Variants in AHNAK observed in about 807,000 individuals in gnomAD.
AHNAK encodes neuroblast differentiation-associated protein AHNAK.
Under a neutral mutation model 37.8 loss-of-function variants are expected in AHNAK, and 23 were observed. The observed-to-expected ratio is 0.61, with a 90% CI of 0.44 to 0.86. AHNAK has a LOEUF of 0.86. AHNAK is among the 40% of genes least tolerant of loss of function. The pLI, the probability that AHNAK is intolerant of heterozygous loss-of-function variation, is 0.00. For missense variants in AHNAK, 7,411 were observed against 7,319.4 expected (o/e 1.01, Z -0.46); for synonymous variants, 2,481 against 2,636.3 (o/e 0.94, Z 1.80).
At chr11:62,495,327 G>A (rs1234356792) in intron 4 of AHNAK, among the ~76,000 whole-genome samples, 1 of 152,208 alleles carries the variant, frequency 6.6e-6, no homozygotes, top group Non-Finnish European at 1.5e-5. Context: ...AAAGTTGCCA[G>A]TATATTCAAG....
intron 5 of AHNAK, among the ~76,000 whole-genome samples, chr11:62,470,022 T>C (rs1938998659): frequency 1.3e-5 from 2 of 152,192 alleles, no homozygotes; most frequent in Middle Eastern, 3.4e-3. Context: ...ACCACAAAAG[T>C]TGGCCACGTG....
Position 62,517,795 on chromosome 11 carries a change from A to G in AHNAK, c.16622T>C (p.Ile5541Thr), listed in dbSNP as rs368696529. The change falls in exon 5 of 5, where the codon ATC becomes ACC. Residue 5541 changes from isoleucine to threonine, a missense_variant. Ile to Thr is a moderately conservative substitution (Grantham distance 89, BLOSUM62 -1). Transcript: ENST00000378024. ...EVGFHGAAPD[I>T]SVKGPAFNMA... ...ATTAAAGGCAGGCCCCTTCACACTG[A>G]TATCAGGAGCAGCCCCATGGAAACC... The G allele has an allele frequency of 5.6e-6, 9 of 1,614,048 alleles. No homozygotes were observed. The East Asian group carries it at 6.7e-5, about 12-fold the overall frequency.
Position 62,526,942 on chromosome 11 carries a change from G to A in AHNAK, c.7475C>T (p.Pro2492Leu). ...LEVPDMNIRG[P>L]KVDVNAPDVQ... ...ATCGGGGGCATTTACATCAACTTTG[G>A]GGCCCCTGATGTTCATATCTGGTAC... Residue 2492 changes from proline (P) to leucine (L), a missense_variant, in exon 5 of 5, where the codon CCC (proline) becomes CTC (leucine). Pro to Leu is a moderately conservative substitution (Grantham distance 98, BLOSUM62 -3). Coordinates refer to ENST00000378024, the MANE Select transcript of AHNAK (RefSeq NM_001620.3). 1 of 1,614,126 alleles carries A rather than the reference G, an allele frequency of 6.2e-7. No individual in the cohort carries two copies. Among genetic ancestry groups the A allele is most frequent in the African/African-American group, 1.3e-5 (1 of 75,034 alleles).
intron 5 of AHNAK, among the ~76,000 whole-genome samples, chr11:62,434,153 C>G (rs1301408306): frequency 6.6e-6 from 1 of 152,168 alleles, no homozygotes; most frequent in Non-Finnish European, 1.5e-5. Context: ...AAGCCCGAGT[C>G]TGTCCTTTTG....
Position 62,518,414 on chromosome 11 carries a change from C to A in AHNAK, c.16003G>T (p.Gly5335Cys). The change falls in exon 5 of 5, where the codon GGT (glycine) becomes TGT (cysteine). Residue 5335 changes from glycine to cysteine, a missense_variant. Gly to Cys is a radical substitution (Grantham distance 159, BLOSUM62 -3). Transcript: ENST00000378024. Reference sequence around the variant, plus strand: ...TCTCCTCCCACCTGCATTTTGCCACCGACACCACTGAGGTTGAGCCCTGGA... The same window carrying A: ...TCTCCTCCCACCTGCATTTTGCCACAGACACCACTGAGGTTGAGCCCTGGA... ...HAPGLNLSGV[G>C]GKMQVGGDGV... 6.2e-7 allele frequency: 1 copy of A among 1,614,086 alleles called. No individual in the cohort carries two copies. Among genetic ancestry groups the A allele is most frequent in the Non-Finnish European group, 8.5e-7 (1 of 1,180,008 alleles).
chr11:62,466,866 T>C (rs1938922348), intron 5 of AHNAK, among the ~76,000 whole-genome samples: 1 of 152,218 alleles, frequency 6.6e-6, no homozygotes, highest in African/African-American at 2.4e-5. Flanking sequence ...ATTAACAACA[T>C]AACTAAGATA....
chr11:62,503,359 C>CG lies in AHNAK; in HGVS notation c.343-11529dup, dbSNP rs1309518863. On this transcript the variant is annotated intron_variant, in intron 4 of 5. Coordinates refer to the AHNAK transcript ENST00000257247. Reference sequence around the variant, plus strand: ...ATCCCAGCACTTTGGGAGGCCAAGGCGGGGGGATCCTGGGTAAGGAGTTCG... The same window carrying CG: ...ATCCCAGCACTTTGGGAGGCCAAGGCGGGGGGGATCCTGGGTAAGGAGTTCG... Among the ~76,000 whole-genome samples, 5 of 152,260 alleles carry CG rather than the reference C, an allele frequency of 3.3e-5. No individual in the cohort carries two copies. In the East Asian group the frequency reaches 7.7e-4, roughly 24 times the overall value.
intron 5 of AHNAK, among the ~76,000 whole-genome samples, chr11:62,475,595 T>C (rs1332376764): frequency 9.0e-6 from 1 of 111,526 alleles, no homozygotes; most frequent in African/African-American, 3.0e-5. Flanking sequence ...AATGTGGTTA[T>C]GTTATACTTT....
At chr11:62,435,835 A>G (rs189571138) in intron 5 of AHNAK, among the ~76,000 whole-genome samples, 1 of 152,098 alleles carries the variant, frequency 6.6e-6, no homozygotes, top group African/African-American at 2.4e-5. Flanking sequence ...GGCTGGCCGC[A>G]CCCAGCCAGT....
Position 62,520,507 on chromosome 11 carries a change from T to C in AHNAK, c.13910A>G (p.Asp4637Gly), listed in dbSNP as rs746554034. The C allele has an allele frequency of 1.7e-5, 27 of 1,614,050 alleles. No homozygotes were observed. The highest frequency in any genetic ancestry group is 2.1e-5 in the Non-Finnish European group (25 of 1,180,042). ...GCCTTGAACGTCCACATCTGGGACATCAATGTCCACTTTGGGGTCCCTGAT... is the reference window on the plus strand; with the variant it reads ...GCCTTGAACGTCCACATCTGGGACACCAATGTCCACTTTGGGGTCCCTGAT... ...VDIRDPKVDI[D>G]VPDVDVQGPD... The change falls in exon 5 of 5, where the codon GAT becomes GGT. Residue 4637 changes from aspartate (D) to glycine (G), a missense_variant. Asp to Gly is a moderately conservative substitution (Grantham distance 94, BLOSUM62 -1). Coordinates refer to ENST00000378024, the MANE Select transcript of AHNAK (RefSeq NM_001620.3).
Position 62,526,908 on chromosome 11 carries a change from A to T in AHNAK, c.7509T>A (p.Ala2503=), listed in dbSNP as rs1940513138. Residue 2503 remains alanine, a synonymous_variant, in exon 5 of 5, where the codon GCT becomes GCA. Coordinates refer to ENST00000378024, the MANE Select transcript of AHNAK (RefSeq NM_001620.3). ...KVDVNAPDVQ[A]PDWHLKMPKM... Reference sequence around the variant, plus strand: ...TGGGCATCTTCAGGTGCCAGTCTGGAGCTTGGACATCGGGGGCATTTACAT... The same window carrying T: ...TGGGCATCTTCAGGTGCCAGTCTGGTGCTTGGACATCGGGGGCATTTACAT... The T allele has an allele frequency of 6.2e-7, 1 of 1,613,824 alleles. No individual in the cohort carries two copies. The highest frequency in any genetic ancestry group is 1.7e-5 in the Admixed American group (1 of 59,992).
intron 5 of AHNAK, among the ~76,000 whole-genome samples, chr11:62,473,435 C>T (rs1344098695): frequency 6.3e-5 from 9 of 142,694 alleles, no homozygotes; most frequent in South Asian, 2.3e-4. Flanking sequence ...GTGGCTCACG[C>T]CTGTAATCCC....
chr11:62,442,565 A>G (rs1938330039), intron 5 of AHNAK, among the ~76,000 whole-genome samples: 1 of 151,704 alleles, frequency 6.6e-6, no homozygotes, highest in Non-Finnish European at 1.5e-5. Context: ...AATAATCAAT[A>G]AATCTATTTA....
chr11:62,467,420 C>T (rs1419074206), intron 5 of AHNAK, among the ~76,000 whole-genome samples: 1 of 152,198 alleles, frequency 6.6e-6, no homozygotes, highest in Non-Finnish European at 1.5e-5. Context: ...CGCAGTGGCT[C>T]ACGCCTGTAA....
In AHNAK at chr11:62,532,190, G is replaced by C. The variant is rs774567105; in HGVS notation, c.2227C>G (p.Pro743Ala). The C allele has an allele frequency of 6.2e-7, 1 of 1,614,108 alleles. No individual in the cohort carries two copies. Among genetic ancestry groups the C allele is most frequent in the Admixed American group, 1.7e-5 (1 of 60,006 alleles). ...IDAPDVDVHGPDWHLKMPKMK... is the reference protein window; with the variant it reads ...IDAPDVDVHGADWHLKMPKMK... Reference sequence around the variant, plus strand: ...TTGGGCATCTTCAAGTGCCAGTCTGGGCCATGAACATCCACATCTGGGGCA... The same window carrying C: ...TTGGGCATCTTCAAGTGCCAGTCTGCGCCATGAACATCCACATCTGGGGCA... The change falls in exon 5 of 5, where the codon CCA becomes GCA. Residue 743 changes from proline (P) to alanine (A), a missense_variant. Transcript: ENST00000378024.
chr11:62,517,832 C>T lies in AHNAK; in HGVS notation c.16585G>A (p.Gly5529Ser), dbSNP rs771528590. The T allele has an allele frequency of 1.2e-6, 2 of 1,614,210 alleles. No individual in the cohort carries two copies. The highest frequency in any genetic ancestry group is 8.5e-7 in the Non-Finnish European group (1 of 1,180,022). ...GCCCCATGGAAACCTACTTCTGAAC[C>T]TTTCAGACCACCTTTGATTTCAGGC... ...SGPEIKGGLK[G>S]SEVGFHGAAP... Residue 5529 changes from glycine to serine, a missense_variant, in exon 5 of 5, where the codon GGT becomes AGT. By Grantham distance (56) the Gly-to-Ser change is moderately conservative. Coordinates refer to ENST00000378024, the MANE Select transcript of AHNAK (RefSeq NM_001620.3).
Position 62,516,974 on chromosome 11 carries a change from C to T in AHNAK, c.17443G>A (p.Gly5815Arg), listed in dbSNP as rs896599764. The change falls in exon 5 of 5, where the codon GGG becomes AGG. Residue 5815 changes from glycine (G) to arginine (R), a missense_variant. Transcript: ENST00000378024. ...CCGAATTTCAGCTTCCCGTGTTTCC[C>T]TTTAACTTTCCCACCTTCCAGAGAC... ...EVSLEGGKVK[G>R]KHGKLKFGTF... 2.5e-6 allele frequency: 4 copies of T among 1,614,092 alleles called. No homozygotes were observed. The African/African-American group carries it at 5.3e-5, about 22-fold the overall frequency.
In AHNAK at chr11:62,517,854, AG is replaced by A. The variant is rs1410006718; in HGVS notation, c.16562del (p.Pro5521LeufsTer7). 1.9e-6 allele frequency: 3 copies of A among 1,614,070 alleles called. No individual in the cohort carries two copies. Among genetic ancestry groups the A allele is most frequent in the Non-Finnish European group, 1.7e-6 (2 of 1,180,016 alleles). On this transcript the variant is annotated frameshift_variant, in exon 5 of 5. Coordinates refer to ENST00000378024, the MANE Select transcript of AHNAK (RefSeq NM_001620.3). LOFTEE classifies it high-confidence loss of function. ...VKLPTGQISG[P>X]EIKGGLKGSE... ...AACCTTTCAGACCACCTTTGATTTC[AG>A]GCCCAGAAATCTGCCCAGTTGGGAG...
rs770864706 is a variant in AHNAK, at chr11:62,528,139, A to G, written c.6278T>C (p.Leu2093Pro). Residue 2093 changes from leucine to proline, a missense_variant, in exon 5 of 5, where the codon CTT (leucine) becomes CCT (proline). Transcript: ENST00000378024. Reference protein sequence around the residue: ...KVDVEVPDVSLEGPEGKLKGP... With the variant: ...KVDVEVPDVSPEGPEGKLKGP... Reference sequence around the variant, plus strand: ...CTTCAGCTTCCCTTCTGGACCTTCAAGGCTCACATCTGGGACTTCAACATC... The same window carrying G: ...CTTCAGCTTCCCTTCTGGACCTTCAGGGCTCACATCTGGGACTTCAACATC... 3 of 1,612,432 alleles carry G rather than the reference A, an allele frequency of 1.9e-6. No individual in the cohort carries two copies. Among genetic ancestry groups the G allele is most frequent in the Admixed American group, 3.3e-5 (2 of 59,768 alleles).
Sources: allele counts gnomAD v4.1 joint callset (sites outside exome capture counted in the v4.1 genomes callset), GRCh38; gene constraint gnomAD v4.1.1; transcripts MANE v1.5; gene names NCBI Gene and HGNC (gene_info 2026-07-23, HGNC 2026-07-21).